PCED1B: variants seen among roughly 807,000 people sequenced by gnomAD.
PCED1B encodes PC-esterase domain-containing protein 1B.
For synonymous variants in PCED1B, 251 were observed against 246.1 expected, an observed-to-expected ratio of 1.02 and a Z score of -0.19; for missense variants, 573 against 573.9, an observed-to-expected ratio of 1.00 and a Z score of 0.02.
chr12:47,086,418 C>T (rs1350455783), intron 1 of PCED1B, among the ~76,000 whole-genome samples: 1 of 146,440 alleles, frequency 6.8e-6, no homozygotes, highest in Non-Finnish European at 1.5e-5. Flanking sequence ...AGAATGAATG[C>T]CATTTACAAT....
chr12:47,213,379 T>C (rs1168833130), intron 2 of PCED1B, among the ~76,000 whole-genome samples: 1 of 152,090 alleles, frequency 6.6e-6, no homozygotes, highest in African/African-American at 2.4e-5. Flanking sequence ...AAAAACATAG[T>C]TTTGTGATTT....
At chr12:47,116,469 T>C (rs1327181998) in intron 2 of PCED1B, among the ~76,000 whole-genome samples, 1 of 152,222 alleles carries the variant, frequency 6.6e-6, no homozygotes, top group Non-Finnish European at 1.5e-5. Flanking sequence ...AGAGTTTTTT[T>C]CTAGTCACAA....
At chr12:47,185,208 G>A (rs1942216425) in intron 2 of PCED1B, among the ~76,000 whole-genome samples, 1 of 152,172 alleles carries the variant, frequency 6.6e-6, no homozygotes, top group Non-Finnish European at 1.5e-5. Flanking sequence ...GGCCTTATTT[G>A]GAATGCAAAT....
At chr12:47,231,405 G>T (rs1208764382) in intron 3 of PCED1B, among the ~76,000 whole-genome samples, 1 of 1,148 alleles carries the variant, frequency 8.7e-4, no homozygotes, top group African/African-American at 2.8e-3. Context: ...ATTGGAGAGG[G>T]TGCTAAAGCT....
At chr12:47,100,937 T>G (rs1938677389) in intron 1 of PCED1B, among the ~76,000 whole-genome samples, 1 of 152,014 alleles carries the variant, frequency 6.6e-6, no homozygotes, top group African/African-American at 2.4e-5. Flanking sequence ...GGCATGGTGA[T>G]GCATGCCTTA....
intron 2 of PCED1B, among the ~76,000 whole-genome samples, chr12:47,126,943 C>T (rs1939911969): frequency 6.6e-6 from 1 of 152,080 alleles, no homozygotes; most frequent in Non-Finnish European, 1.5e-5. Context: ...TGATTTTTCT[C>T]AAAGAATCTG....
At position 47,096,814 on chromosome 12, in the gene PCED1B, A is replaced by T. The variant is rs181964346; in HGVS notation, c.-608-7299A>T. ...TTCTATTACATATATTAGAAAACAA[A>T]CTTGGAATAGTGCCACTATGTAAGT... On this transcript the variant is annotated intron_variant, in intron 1 of 3. Coordinates refer to ENST00000546455, the MANE Select transcript of PCED1B (RefSeq NM_138371.3). 4.2e-4 allele frequency among the ~76,000 whole-genome samples: 64 copies of T among 152,344 alleles called. No homozygotes were observed. The Middle Eastern group carries it at 0.01, about 24-fold the overall frequency.
At chr12:47,210,935 A>G (rs1280515219) in intron 2 of PCED1B, among the ~76,000 whole-genome samples, 1 of 152,226 alleles carries the variant, frequency 6.6e-6, no homozygotes, top group African/African-American at 2.4e-5. Flanking sequence ...TACCGGTAAA[A>G]TGGAATAGTG....
intron 1 of PCED1B, among the ~76,000 whole-genome samples, chr12:47,088,456 C>T (rs1423756793): frequency 6.6e-6 from 1 of 152,116 alleles, no homozygotes; most frequent in Non-Finnish European, 1.5e-5. Context: ...TCTCAAAACC[C>T]CTGGGGACTC....
At chr12:47,082,352 C>T (rs1426559859) in intron 1 of PCED1B, among the ~76,000 whole-genome samples, 2 of 152,244 alleles carry the variant, frequency 1.3e-5, no homozygotes, top group South Asian at 2.1e-4. Context: ...CTGCTGGTTG[C>T]TGTCCTGCCT....
chr12:47,116,215 A>T (rs1939412159), intron 2 of PCED1B, among the ~76,000 whole-genome samples: 2 of 152,220 alleles, frequency 1.3e-5, no homozygotes, highest in African/African-American at 4.8e-5. Flanking sequence ...ATATTTGCAG[A>T]CACACCCTGA....
chr12:47,104,731 G>A (rs1487730102), intron 2 of PCED1B, among the ~76,000 whole-genome samples: 1 of 152,164 alleles, frequency 6.6e-6, no homozygotes, highest in Non-Finnish European at 1.5e-5. Context: ...TTTGGAGGGT[G>A]GAGGTGGTAG....
chr12:47,092,180 T>A (rs760467638), intron 1 of PCED1B, among the ~76,000 whole-genome samples: 10 of 152,080 alleles, frequency 6.6e-5, no homozygotes, highest in Non-Finnish European at 1.5e-4. Context: ...ATGATGCATA[T>A]ACTTCCATTT....
chr12:47,083,867 T>C (rs961267459), intron 1 of PCED1B, among the ~76,000 whole-genome samples: 1 of 152,198 alleles, frequency 6.6e-6, no homozygotes, highest in Non-Finnish European at 1.5e-5. Context: ...CACTCACTCA[T>C]CTGGTTGGTC....
At chr12:47,088,008 T>G (rs1381248899) in intron 1 of PCED1B, among the ~76,000 whole-genome samples, 2 of 152,216 alleles carry the variant, frequency 1.3e-5, no homozygotes, top group African/African-American at 4.8e-5. Context: ...ATTTATTAAC[T>G]ATATAACTCT....
intron 1 of PCED1B, among the ~76,000 whole-genome samples, chr12:47,085,378 C>T (rs1354591188): frequency 2.0e-5 from 3 of 152,200 alleles, no homozygotes; most frequent in East Asian, 1.9e-4. Context: ...CAGTGAATGA[C>T]GTCAGTCCCA....
At chr12:47,223,195 A>C (rs968985410) in intron 3 of PCED1B, among the ~76,000 whole-genome samples, 1 of 152,138 alleles carries the variant, frequency 6.6e-6, no homozygotes, top group African/African-American at 2.4e-5. Flanking sequence ...GAAAGACAGG[A>C]TACAAGGGTG....
chr12:47,211,850 C>T (rs1308975674), intron 2 of PCED1B, among the ~76,000 whole-genome samples: 5 of 150,158 alleles, frequency 3.3e-5, no homozygotes, highest in East Asian at 2.0e-4. Context: ...CCGAGGCGGG[C>T]GGATCACGAG....
chr12:47,186,585 A>T (rs963781007), intron 2 of PCED1B, among the ~76,000 whole-genome samples: 17 of 152,136 alleles, frequency 1.1e-4, no homozygotes, highest in Non-Finnish European at 2.5e-4. Flanking sequence ...CCTTCAAGTC[A>T]AAATAATCCA....
Sources: gnomAD v4.1 joint callset for allele counts (sites outside exome capture counted in the v4.1 genomes callset) on GRCh38, gnomAD v4.1.1 for gene constraint, MANE v1.5 for transcripts, NCBI Gene and HGNC (gene_info 2026-07-23, HGNC 2026-07-21) for gene names.